SORCS2: variants seen among roughly 807,000 people sequenced by gnomAD.
SORCS2 encodes sortilin related VPS10 domain containing receptor 2.
In SORCS2, 100 loss-of-function variants were observed where a neutral mutation model predicts 141.6. That is an observed-to-expected ratio of 0.71 (90% CI 0.60 to 0.83). SORCS2 has a LOEUF of 0.83. SORCS2 is among the 40% of genes least tolerant of loss of function. SORCS2 has a pLI of 0.00. For synonymous variants in SORCS2, 789 were observed against 676.9 expected (o/e 1.17, Z -2.57); for missense variants, 1,646 against 1,560.2 (o/e 1.05, Z -0.93).
chr4:7,408,052 C>T (rs1290068268), intron 2 of SORCS2, among the ~76,000 whole-genome samples: 1 of 152,014 alleles, frequency 6.6e-6, no homozygotes, highest in African/African-American at 2.4e-5. Flanking sequence ...GTAGCTATTA[C>T]TGTTTTCAAT....
intron 15 of SORCS2, among the ~76,000 whole-genome samples, chr4:7,713,357 T>TG (rs1307719540): frequency 6.7e-6 from 1 of 149,886 alleles, no homozygotes; most frequent in Non-Finnish European, 1.5e-5. Context: ...GGCAGTGTGG[T>TG]GGGGAAGCCT....
chr4:7,199,353 C>T (rs1727358753), intron 1 of SORCS2, among the ~76,000 whole-genome samples: 1 of 152,082 alleles, frequency 6.6e-6, no homozygotes, highest in South Asian at 2.1e-4. Flanking sequence ...AAGCTCAGTT[C>T]ACCTGGGGAG....
At chr4:7,244,272 G>C (rs1283388262) in intron 1 of SORCS2, among the ~76,000 whole-genome samples, 14 of 152,198 alleles carry the variant, frequency 9.2e-5, no homozygotes, top group Admixed American at 9.2e-4. Flanking sequence ...CAAGCTTGGG[G>C]GGTGAGTTTC....
intron 3 of SORCS2, among the ~76,000 whole-genome samples, chr4:7,617,173 A>C (rs930028002): frequency 6.6e-6 from 1 of 152,106 alleles, no homozygotes; most frequent in South Asian, 2.1e-4. Context: ...CATCTATCCA[A>C]GTGCCATTGA....
At position 7,664,766 on chromosome 4, in the gene SORCS2, C is replaced by T. The variant is rs187735058; in HGVS notation, c.1071+295C>T. Among the ~76,000 whole-genome samples the T allele has an allele frequency of 3.3e-5, 5 of 152,244 alleles. No homozygotes were observed. The East Asian group carries it at 5.8e-4, about 18-fold the overall frequency. ...CCTAAGCCCATTTAGCCCCATTTGG[C>T]TTTATCAGTGACTTTGGAACTGACC... On this transcript the variant is annotated intron_variant, in intron 7 of 26. Transcript: ENST00000507866. The surrounding 1 kb of genome is among the most constrained non-coding windows in gnomAD (Gnocchi z 4.7).
intron 3 of SORCS2, among the ~76,000 whole-genome samples, chr4:7,590,207 T>G (rs1197852993): frequency 6.6e-6 from 1 of 152,238 alleles, no homozygotes; most frequent in Non-Finnish European, 1.5e-5. Context: ...TCCAGTGATT[T>G]GTCCCAACAT....
At chr4:7,474,405 T>C (rs1730164067) in intron 2 of SORCS2, among the ~76,000 whole-genome samples, 1 of 152,200 alleles carries the variant, frequency 6.6e-6, no homozygotes, top group African/African-American at 2.4e-5. Flanking sequence ...CAGGGAGCTC[T>C]TATGCAAATG....
intron 1 of SORCS2, among the ~76,000 whole-genome samples, chr4:7,362,895 A>G (rs1721667522): frequency 6.7e-6 from 1 of 148,930 alleles, no homozygotes; most frequent in Admixed American, 6.7e-5. Flanking sequence ...CATCATTCCT[A>G]CCAGCACTAT....
chr4:7,223,264 T>G (rs1728813192), intron 1 of SORCS2, among the ~76,000 whole-genome samples: 1 of 151,244 alleles, frequency 6.6e-6, no homozygotes, highest in Admixed American at 6.6e-5. Context: ...ATTTTTCTTC[T>G]GTGCAAAGAA....
intron 3 of SORCS2, among the ~76,000 whole-genome samples, chr4:7,631,361 G>A (rs1469041159): frequency 1.3e-5 from 2 of 151,744 alleles, no homozygotes; most frequent in African/African-American, 4.8e-5. Flanking sequence ...AGGGCATCCA[G>A]GCCTCGGCTT....
intron 1 of SORCS2, among the ~76,000 whole-genome samples, chr4:7,311,218 G>A (rs1183166443): frequency 6.6e-6 from 1 of 152,138 alleles, no homozygotes; most frequent in East Asian, 1.9e-4. Context: ...CAGCATCGCT[G>A]TTTTCAGATT....
At chr4:7,543,770 G>T (rs1161846033) in intron 3 of SORCS2, among the ~76,000 whole-genome samples, 1 of 9,392 alleles carries the variant, frequency 1.1e-4, no homozygotes, top group Non-Finnish European at 2.1e-4. Context: ...CCACCCATCC[G>T]TCCATCCATC....
rs147678055 is a variant in SORCS2, at chr4:7,712,342, C to T, written c.1869-391C>T. On this transcript the variant is annotated intron_variant, in intron 14 of 26. Transcript: ENST00000507866. ...AGCCAGACAGCTGCAGATGCAGCCACCTGACCACAGATCATTCCGCAAAAC... is the reference window on the plus strand; with the variant it reads ...AGCCAGACAGCTGCAGATGCAGCCATCTGACCACAGATCATTCCGCAAAAC... Among the ~76,000 whole-genome samples, 167 of 152,340 alleles carry T rather than the reference C, an allele frequency of 1.1e-3. 1 individual carries two copies. The highest frequency in any genetic ancestry group is 1.8e-3 in the Non-Finnish European group (125 of 68,030).
intron 2 of SORCS2, among the ~76,000 whole-genome samples, chr4:7,399,844 G>A (rs894369240): frequency 6.6e-6 from 1 of 152,154 alleles, no homozygotes; most frequent in African/African-American, 2.4e-5. Context: ...GTGAGTTCAA[G>A]GTAGGTCCTC....
chr4:7,213,205 C>T (rs35825383), intron 1 of SORCS2, among the ~76,000 whole-genome samples: 46,967 of 152,226 alleles, frequency 0.31, 8,070 homozygotes, highest in Non-Finnish European at 0.39. Context: ...GTGGTCCCAC[C>T]GCCATCTCGC....
chr4:7,277,474 G>A (rs1446942365), intron 1 of SORCS2, among the ~76,000 whole-genome samples: 2 of 152,182 alleles, frequency 1.3e-5, no homozygotes, highest in African/African-American at 4.8e-5. Context: ...AGGTAACCAG[G>A]AGTCCTGCGG....
intron 11 of SORCS2, among the ~76,000 whole-genome samples, chr4:7,691,233 T>C (rs768707619): frequency 2.0e-5 from 3 of 152,242 alleles, no homozygotes; most frequent in Non-Finnish European, 2.9e-5. Context: ...CACCACATCT[T>C]ACCCTTCACT....
intron 3 of SORCS2, among the ~76,000 whole-genome samples, chr4:7,552,766 A>G (rs577676274): frequency 6.6e-6 from 1 of 152,054 alleles, no homozygotes; most frequent in Non-Finnish European, 1.5e-5. Context: ...TCTCCACTCC[A>G]GCACCCCTGA....
chr4:7,582,880 T>C (rs1716254711), intron 3 of SORCS2, among the ~76,000 whole-genome samples: 1 of 152,152 alleles, frequency 6.6e-6, no homozygotes, highest in South Asian at 2.1e-4. Context: ...ATGCCCACCC[T>C]GTCACTCATC....
Sources: gnomAD v4.1 joint callset for allele counts (sites outside exome capture counted in the v4.1 genomes callset) on GRCh38, gnomAD v4.1.1 for gene constraint, Gnocchi (gnomAD v3.1) non-coding constraint, MANE v1.5 for transcripts, NCBI Gene and HGNC (gene_info 2026-07-23, HGNC 2026-07-21) for gene names.